The following ST7 variants were observed in gnomAD, a reference collection of about 807,000 sequenced individuals.
ST7 encodes suppressor of tumorigenicity 7 protein.
A neutral mutation model predicts 78.7 loss-of-function variants in ST7; 28 were observed. The ratio of observed to expected loss-of-function variants is 0.36; its 90% CI spans 0.26 to 0.49. ST7 has a LOEUF of 0.49. ST7 is among the 20% of genes least tolerant of loss of function. The probability of loss-of-function intolerance (pLI) is 0.99; values close to 1 mark genes in which losing one functional copy is unlikely to be tolerated. For missense variants in ST7, 418 were observed against 696.0 expected, an observed-to-expected ratio of 0.60 and a Z score of 4.49; for synonymous variants, 247 against 249.6, an observed-to-expected ratio of 0.99 and a Z score of 0.10.
intron 1 of ST7, among the ~76,000 whole-genome samples, chr7:117,038,751 T>C (rs1797041727): frequency 6.6e-6 from 1 of 152,174 alleles, no homozygotes; most frequent in South Asian, 2.1e-4. Flanking sequence ...TACACAGATA[T>C]ATGTAAAGGG....
In ST7 at chr7:117,223,296, C is replaced by T. The variant is rs559664569; in HGVS notation, c.1638+1234C>T. ...CTGGTCTCCTTGCTTCCTGTCTTAT[C>T]CTCCACCGTCTTTCTTTTATACTGA... On this transcript the variant is annotated intron_variant, in intron 15 of 15. Transcript: ENST00000323984. The T allele has an allele frequency of 5.0e-5, 16 of 318,572 alleles. No individual in the cohort carries two copies. In the South Asian group the frequency reaches 5.4e-4, roughly 11 times the overall value. 19.7% of individuals were successfully genotyped at this position (318,572 alleles called of 1,614,324 possible).
chr7:117,163,239 G>T (rs1417249751), intron 9 of ST7, among the ~76,000 whole-genome samples: 1 of 152,188 alleles, frequency 6.6e-6, no homozygotes, highest in Admixed American at 6.5e-5. Flanking sequence ...TAGTAAAGAT[G>T]TGGGTGCAGA....
At chr7:116,962,999 T>C (rs1206834307) in intron 1 of ST7, among the ~76,000 whole-genome samples, 1 of 152,202 alleles carries the variant, frequency 6.6e-6, no homozygotes, top group Non-Finnish European at 1.5e-5. Context: ...AAGTGCTTTG[T>C]AGGCTGTAAA....
intron 1 of ST7, among the ~76,000 whole-genome samples, chr7:117,061,197 A>G (rs971473339): frequency 1.3e-5 from 2 of 152,182 alleles, no homozygotes; most frequent in Non-Finnish European, 2.9e-5. Context: ...AAAGACAATT[A>G]AAAGGAGTTT....
At chr7:117,147,699 T>C (rs888752325) in intron 9 of ST7, among the ~76,000 whole-genome samples, 7 of 152,124 alleles carry the variant, frequency 4.6e-5, no homozygotes, top group African/African-American at 7.2e-5. Flanking sequence ...TTTTATTCTG[T>C]TTTTTCTTTC....
intron 13 of ST7, among the ~76,000 whole-genome samples, chr7:117,217,865 C>T (rs540156562): frequency 1.3e-5 from 2 of 152,124 alleles, no homozygotes; most frequent in Admixed American, 6.5e-5. Context: ...GATACCACTG[C>T]GGTGTAGATT....
rs537674839 is a variant in ST7 at position 117,205,493 on chromosome 7, G to A, written c.1255-4294G>A. ...AATAGTTGTATGAGTTAATTCTTTGGTATTAACATTTATGTGAATGATAAC... is the reference window on the plus strand; with the variant it reads ...AATAGTTGTATGAGTTAATTCTTTGATATTAACATTTATGTGAATGATAAC... On this transcript the variant is annotated intron_variant, in intron 12 of 15. Transcript: ENST00000323984. Among the ~76,000 whole-genome samples, 4 of 152,164 alleles carry A rather than the reference G, an allele frequency of 2.6e-5. No homozygotes were observed. In the South Asian group the frequency reaches 8.3e-4, roughly 32 times the overall value.
chr7:117,208,544 C>T (rs1791988070), intron 12 of ST7, among the ~76,000 whole-genome samples: 1 of 152,084 alleles, frequency 6.6e-6, no homozygotes, highest in Non-Finnish European at 1.5e-5. Context: ...CTGGCTCCTG[C>T]TGGGCCATAC....
chr7:117,085,379 T>A (rs1800059180), intron 1 of ST7, among the ~76,000 whole-genome samples: 1 of 152,240 alleles, frequency 6.6e-6, no homozygotes, highest in South Asian at 2.1e-4. Context: ...TTTCTGTGTT[T>A]TGTGTCTGTC....
At chr7:117,015,890 A>T (rs545661611) in intron 1 of ST7, among the ~76,000 whole-genome samples, 1 of 152,346 alleles carries the variant, frequency 6.6e-6, no homozygotes, top group East Asian at 1.9e-4. Context: ...GCCACTTTTC[A>T]TACCCAGTGT....
intron 1 of ST7, among the ~76,000 whole-genome samples, chr7:116,976,848 A>C (rs1247663103): frequency 6.6e-6 from 1 of 152,210 alleles, no homozygotes; most frequent in African/African-American, 2.4e-5. Context: ...ACTAGTCTTG[A>C]TGTTACCCAA....
At chr7:116,967,476 C>G in intron 1 of ST7, 1 of 466,158 alleles carries the variant, frequency 2.1e-6, no homozygotes, top group Non-Finnish European at 4.5e-6. Flanking sequence ...AGAGGCAGGT[C>G]TACAGCTCTA....
At chr7:117,166,426 T>G (rs540771732) in intron 9 of ST7, among the ~76,000 whole-genome samples, 1 of 150,410 alleles carries the variant, frequency 6.6e-6, no homozygotes, top group Non-Finnish European at 1.5e-5. Flanking sequence ...TATCTCATAA[T>G]GGGTTAAATT....
rs1196231766 is a variant in ST7, at chr7:116,972,588, C to T, written c.151+18897C>T. 1.3e-4 allele frequency: 183 copies of T among 1,415,378 alleles called. 2 individuals carry two copies. The South Asian group carries it at 1.9e-3, about 15-fold the overall frequency. 87.7% of individuals were successfully genotyped at this position (1,415,378 alleles called of 1,614,324 possible). A position where few individuals can be genotyped will look rare whatever the true frequency, so the allele number is the denominator to read the frequency against. On this transcript the variant is annotated intron_variant, in intron 1 of 15. Transcript: ENST00000323984. ...GCTTAGCTTCTTTGAGTTGAATTTC[C>T]TGGAGTTCCATCTTTTCTTCATCTT...
At chr7:117,057,282 T>C (rs1798113446) in intron 1 of ST7, among the ~76,000 whole-genome samples, 1 of 152,236 alleles carries the variant, frequency 6.6e-6, no homozygotes, top group South Asian at 2.1e-4. Flanking sequence ...GACTTTCTTT[T>C]GCCAGCATCT....
At chr7:117,026,176 G>T (rs976129121) in intron 1 of ST7, among the ~76,000 whole-genome samples, 1 of 152,178 alleles carries the variant, frequency 6.6e-6, no homozygotes, top group African/African-American at 2.4e-5. Flanking sequence ...TGTTGTTATG[G>T]ATTCTGAGCT....
intron 2 of ST7, among the ~76,000 whole-genome samples, chr7:117,115,446 C>T (rs1802789748): frequency 6.6e-6 from 1 of 151,618 alleles, no homozygotes; most frequent in South Asian, 2.1e-4. Context: ...CTTCCGTCTC[C>T]CAGGTTCAAG....
intron 3 of ST7, among the ~76,000 whole-genome samples, chr7:117,127,765 C>G (rs952573201): frequency 1.3e-5 from 2 of 151,848 alleles, no homozygotes; most frequent in African/African-American, 4.8e-5. Flanking sequence ...TGCTGCACCC[C>G]CTGCTGGCTG....
At chr7:117,100,798 G>C (rs1403547986) in intron 2 of ST7, among the ~76,000 whole-genome samples, 1 of 152,108 alleles carries the variant, frequency 6.6e-6, no homozygotes, top group Non-Finnish European at 1.5e-5. Context: ...TCTAAACTCA[G>C]TGGGACTACT....
Sources: gnomAD v4.1 joint callset for allele counts (sites outside exome capture counted in the v4.1 genomes callset) on GRCh38, gnomAD v4.1.1 for gene constraint, MANE v1.5 for transcripts, NCBI Gene and HGNC (gene_info 2026-07-23, HGNC 2026-07-21) for gene names.